Variants in CTNND2 observed in about 807,000 individuals in gnomAD.
The protein encoded by CTNND2 is catenin delta-2.
A neutral mutation model predicts 144.4 loss-of-function variants in CTNND2; 22 were observed. The ratio of observed to expected loss-of-function variants is 0.15; its 90% CI spans 0.11 to 0.22. The LOEUF (loss-of-function observed/expected upper bound fraction) is 0.22. Among genes scored for constraint, CTNND2 ranks in the 10% least tolerant of loss-of-function variants. The pLI, the probability that CTNND2 is intolerant of heterozygous loss-of-function variation, is 1.00. For missense variants in CTNND2, 1,353 were observed against 1,618.8 expected, an observed-to-expected ratio of 0.84 and a Z score of 2.82; for synonymous variants, 751 against 695.6, an observed-to-expected ratio of 1.08 and a Z score of -1.25.
intron 10 of CTNND2, among the ~76,000 whole-genome samples, chr5:11,224,643 A>G (rs1210407747): frequency 1.3e-5 from 2 of 152,204 alleles, no homozygotes; most frequent in Admixed American, 6.5e-5. Flanking sequence ...CATGACCGCT[A>G]GTATCCTGGT....
intron 1 of CTNND2, among the ~76,000 whole-genome samples, chr5:11,876,332 A>G (rs1735567772): frequency 6.6e-6 from 1 of 151,590 alleles, no homozygotes; most frequent in African/African-American, 2.4e-5. Context: ...AGAAGAGAGG[A>G]GAAGAGAAAA....
At chr5:11,552,116 C>G (rs189167176) in intron 3 of CTNND2, among the ~76,000 whole-genome samples, 2 of 152,150 alleles carry the variant, frequency 1.3e-5, no homozygotes, top group African/African-American at 4.8e-5. Context: ...AGAGCCACAT[C>G]GTAGTCATCC....
chr5:10,997,462 C>T (rs773676130), intron 18 of CTNND2, among the ~76,000 whole-genome samples: 4 of 151,942 alleles, frequency 2.6e-5, no homozygotes, highest in East Asian at 1.9e-4. Context: ...CGTGGCAGTG[C>T]GTGCCTGTAA....
At chr5:11,866,916 T>C (rs1795794651) in intron 1 of CTNND2, among the ~76,000 whole-genome samples, 1 of 152,220 alleles carries the variant, frequency 6.6e-6, no homozygotes, top group South Asian at 2.1e-4. Context: ...CCTGACACCT[T>C]ATCACGAGCA....
At chr5:11,865,773 A>C (rs1404726854) in intron 1 of CTNND2, among the ~76,000 whole-genome samples, 4 of 152,070 alleles carry the variant, frequency 2.6e-5, no homozygotes, top group Non-Finnish European at 5.9e-5. Flanking sequence ...TGAGAAGTGG[A>C]CAAAGGAAGA....
intron 21 of CTNND2, among the ~76,000 whole-genome samples, chr5:10,977,347 A>G (rs1026895176): frequency 2.0e-5 from 3 of 152,212 alleles, no homozygotes; most frequent in African/African-American, 4.8e-5. Context: ...CTGAACAAAA[A>G]TCCTGTTGTC....
intron 9 of CTNND2, among the ~76,000 whole-genome samples, chr5:11,288,150 C>A (rs915233242): frequency 2.6e-5 from 4 of 152,176 alleles, no homozygotes; most frequent in Admixed American, 2.6e-4. Flanking sequence ...ATAAAACATG[C>A]CAATATTTTA....
intron 1 of CTNND2, among the ~76,000 whole-genome samples, chr5:11,901,317 A>G (rs1165733247): frequency 6.6e-6 from 1 of 152,238 alleles, no homozygotes; most frequent in African/African-American, 2.4e-5. Flanking sequence ...ATTCAACTAA[A>G]TGCCAAAGTA....
intron 9 of CTNND2, among the ~76,000 whole-genome samples, chr5:11,298,941 AATT>A (rs749380049): frequency 2.0e-5 from 3 of 152,170 alleles, no homozygotes; most frequent in South Asian, 2.1e-4. Flanking sequence ...ATTGGTGGTG[AATT>A]ATTATTATTA....
At chr5:11,526,800 C>T (rs1167266145) in intron 3 of CTNND2, among the ~76,000 whole-genome samples, 4 of 152,156 alleles carry the variant, frequency 2.6e-5, no homozygotes. Flanking sequence ...GACACCTGTA[C>T]ACCAGTTTTC....
chr5:11,746,269 C>T (rs763806831), intron 1 of CTNND2, among the ~76,000 whole-genome samples: 1 of 152,162 alleles, frequency 6.6e-6, no homozygotes, highest in African/African-American at 2.4e-5. Context: ...CTTCCCTTTA[C>T]CATCACCAAG....
At chr5:11,283,661 G>A in intron 9 of CTNND2, among the ~76,000 whole-genome samples, 1 of 95,034 alleles carries the variant, frequency 1.1e-5, no homozygotes, top group Non-Finnish European at 1.9e-5. Flanking sequence ...GTGAAAGAGT[G>A]AGACTCCGTC....
At chr5:11,276,875 G>A (rs147128106) in intron 9 of CTNND2, among the ~76,000 whole-genome samples, 1 of 152,256 alleles carries the variant, frequency 6.6e-6, no homozygotes, top group African/African-American at 2.4e-5. Flanking sequence ...AAAGCCAGGG[G>A]CCACTGGAAA....
intron 2 of CTNND2, among the ~76,000 whole-genome samples, chr5:11,699,835 G>A (rs1368352100): frequency 6.6e-6 from 1 of 152,194 alleles, no homozygotes; most frequent in East Asian, 1.9e-4. Context: ...AAATTATAAA[G>A]GTAAGCATGA....
intron 2 of CTNND2, among the ~76,000 whole-genome samples, chr5:11,604,488 A>G (rs1041385768): frequency 3.9e-5 from 6 of 152,222 alleles, no homozygotes; most frequent in Non-Finnish European, 7.3e-5. Context: ...CTTGTGGAGC[A>G]TGGGTCTGCG....
intron 3 of CTNND2, among the ~76,000 whole-genome samples, chr5:11,415,461 C>G (rs1319014816): frequency 6.6e-6 from 1 of 151,870 alleles, no homozygotes; most frequent in Non-Finnish European, 1.5e-5. Flanking sequence ...TAAAAATTAG[C>G]AAGGTTTGTT....
chr5:11,262,633 G>A (rs974349815), intron 9 of CTNND2, among the ~76,000 whole-genome samples: 3 of 151,354 alleles, frequency 2.0e-5, no homozygotes, highest in Non-Finnish European at 2.9e-5. Flanking sequence ...GTGGTGGCGG[G>A]CACCTGTAGT....
intron 2 of CTNND2, among the ~76,000 whole-genome samples, chr5:11,594,388 T>G (rs1473995019): frequency 1.3e-5 from 2 of 152,210 alleles, no homozygotes; most frequent in Non-Finnish European, 2.9e-5. Context: ...GAAAAGGTTC[T>G]AAATTATTTT....
chr5:11,160,354 T>C (rs1758650899), intron 11 of CTNND2, among the ~76,000 whole-genome samples: 2 of 152,192 alleles, frequency 1.3e-5, no homozygotes, highest in South Asian at 4.1e-4. Context: ...TACAGAATGT[T>C]CCTCCTTAAA....
Sources: gnomAD v4.1 joint callset for allele counts (sites outside exome capture counted in the v4.1 genomes callset) on GRCh38, gnomAD v4.1.1 for gene constraint, MANE v1.5 for transcripts, NCBI Gene and HGNC (gene_info 2026-07-23, HGNC 2026-07-21) for gene names.